Variants in PI4KA observed in about 807,000 individuals in gnomAD.
PI4KA encodes PI4-kinase alpha.
Under a neutral mutation model 271.4 loss-of-function variants are expected in PI4KA, and 122 were observed. The observed-to-expected ratio is 0.45, with a 90% confidence interval of 0.39 to 0.52. The LOEUF (loss-of-function observed/expected upper bound fraction) is 0.52, where lower values mean the gene tolerates loss of function less well. Ranked by LOEUF, PI4KA falls within the 20% of genes least tolerant of loss-of-function variation. PI4KA has a pLI of 0.00. For synonymous variants in PI4KA, 1,041 were observed against 1,078.8 expected, an observed-to-expected ratio of 0.96 and a Z score of 0.69; for missense variants, 1,969 against 2,769.1, an observed-to-expected ratio of 0.71 and a Z score of 6.48.
At position 20,727,757 on chromosome 22, in the gene PI4KA, T is replaced by G; in HGVS notation, c.4773+17A>C. On this transcript the variant is annotated intron_variant, in intron 40 of 54. Transcript: ENST00000255882. ...TGTGCAGTTTGAACTCAGGCCCTGG[T>G]ACGTGGGCTACACTACCTTGATTGC... is the stretch of plus-strand genomic sequence containing the variant. The G allele has an allele frequency of 6.3e-7, 1 of 1,596,240 alleles. No individual in the cohort carries two copies. Among genetic ancestry groups the G allele is most frequent in the Middle Eastern group, 1.7e-4 (1 of 6,046 alleles).
At chr22:20,724,523 G>A (rs963895722) in intron 42 of PI4KA, among the ~76,000 whole-genome samples, 1 of 151,754 alleles carries the variant, frequency 6.6e-6, no homozygotes, top group Non-Finnish European at 1.5e-5. Context: ...CAGGAGAACT[G>A]CTTGAATCTG....
chr22:20,747,580 T>A lies in PI4KA; in HGVS notation c.3363+3A>T. ...CACTGCTCTTCAGAAGGCTCGCACATACCCCAAGAGTTGTGTTCTGCTTGT... is the reference window on the plus strand; with the variant it reads ...CACTGCTCTTCAGAAGGCTCGCACAAACCCCAAGAGTTGTGTTCTGCTTGT... On this transcript the variant is annotated splice_donor_region_variant and intron_variant, in intron 29 of 54. Transcript: ENST00000255882. 6.2e-7 allele frequency: 1 copy of A among 1,613,870 alleles called. No individual in the cohort carries two copies. The highest frequency in any genetic ancestry group is 8.5e-7 in the Non-Finnish European group (1 of 1,179,864).
chr22:20,748,086 G>T (rs1345913170), intron 28 of PI4KA, among the ~76,000 whole-genome samples: 1 of 152,158 alleles, frequency 6.6e-6, no homozygotes, highest in African/African-American at 2.4e-5. Context: ...TAAGGTGTGG[G>T]CAAATGGACC....
chr22:20,754,715 C>T (rs939091972), intron 23 of PI4KA, among the ~76,000 whole-genome samples: 4 of 152,002 alleles, frequency 2.6e-5, no homozygotes, highest in East Asian at 1.9e-4. Flanking sequence ...TTTGAGAGGC[C>T]GAGGTGGGTG....
chr22:20,745,259 GC>G (rs1929927524), intron 29 of PI4KA, among the ~76,000 whole-genome samples: 1 of 152,118 alleles, frequency 6.6e-6, no homozygotes, highest in African/African-American at 2.4e-5. Flanking sequence ...CACCCCTCCA[GC>G]CACTCTCTCT....
chr22:20,734,094 C>T lies in PI4KA; in HGVS notation c.4001G>A (p.Gly1334Glu), dbSNP rs1390137630. 1.9e-6 allele frequency: 3 copies of T among 1,608,330 alleles called. No homozygotes were observed. The highest frequency in any genetic ancestry group is 1.7e-6 in the Non-Finnish European group (2 of 1,178,200). ...LQRSMSLNIG[G>E]AKGSMNRHVA... Reference sequence around the variant, plus strand: ...GTGCCGGTTCATGCTCCCCTTGGCCCCGCCGATGTTCAGGGACATGGAGCG... The same window carrying T: ...GTGCCGGTTCATGCTCCCCTTGGCCTCGCCGATGTTCAGGGACATGGAGCG... Residue 1334 changes from glycine to glutamate, a missense_variant, in exon 34 of 55, where the codon GGG becomes GAG. Coordinates refer to ENST00000255882, the MANE Select transcript of PI4KA (RefSeq NM_058004.4).
At chr22:20,845,651 T>C (rs1008620453) in intron 1 of PI4KA, among the ~76,000 whole-genome samples, 1 of 152,194 alleles carries the variant, frequency 6.6e-6, no homozygotes, top group African/African-American at 2.4e-5. Context: ...GACCTACAAA[T>C]GTAAATGGAA....
chr22:20,708,051 T>G lies in PI4KA; in HGVS notation c.6305A>C (p.Tyr2102Ser). 1 of 1,609,422 alleles carries G rather than the reference T, an allele frequency of 6.2e-7. No individual in the cohort carries two copies. Reference protein sequence around the residue: ...MIQYYQNDIPY With the variant: ...MIQYYQNDIPS ...AGGCCCTCGAAGGTCCCCTCCTCAGTAGGGGATGTCATTCTGATAGTACTG... is the reference window on the plus strand; with the variant it reads ...AGGCCCTCGAAGGTCCCCTCCTCAGGAGGGGATGTCATTCTGATAGTACTG... Residue 2102 changes from tyrosine to serine, a missense_variant, in exon 55 of 55, where the codon TAC (tyrosine) becomes TCC (serine). Coordinates refer to ENST00000255882, the MANE Select transcript of PI4KA (RefSeq NM_058004.4).
At chr22:20,790,548 C>A (rs1045716250) in intron 19 of PI4KA, among the ~76,000 whole-genome samples, 2 of 151,988 alleles carry the variant, frequency 1.3e-5, no homozygotes, top group African/African-American at 4.8e-5. Flanking sequence ...GTAATTCCAG[C>A]TGCTTGGAAG....
intron 28 of PI4KA, 45 bp downstream of exon 28, chr22:20,749,860 G>T (rs748538962): frequency 1.7e-6 from 2 of 1,211,968 alleles, no homozygotes; most frequent in South Asian, 1.2e-5. Context: ...TTTTTTGGGA[G>T]TTTGAAGGAG....
intron 9 of PI4KA, among the ~76,000 whole-genome samples, chr22:20,809,028 G>A (rs942795298): frequency 1.3e-5 from 2 of 152,164 alleles, no homozygotes; most frequent in African/African-American, 4.8e-5. Flanking sequence ...GGAGGACACT[G>A]ACAGGAAGAG....
chr22:20,817,478 G>A (rs553976022), intron 7 of PI4KA, among the ~76,000 whole-genome samples: 44 of 152,084 alleles, frequency 2.9e-4, no homozygotes, highest in Admixed American at 2.6e-3. Flanking sequence ...GTTCACGGCT[G>A]TAATCCTAGC....
Position 20,751,772 on chromosome 22 carries a change from C to A in PI4KA, c.2988-17G>T. 1.9e-6 allele frequency: 3 copies of A among 1,611,330 alleles called. No homozygotes were observed. The highest frequency in any genetic ancestry group is 2.5e-6 in the Non-Finnish European group (3 of 1,177,604). ...TGGGGAAACCTGCACCAAGAGCCAG[C>A]TCTCAGGACCAAGAGCCAAACCTCC... is the stretch of plus-strand genomic sequence containing the variant. On this transcript the variant is annotated splice_polypyrimidine_tract_variant and intron_variant, in intron 25 of 54. Coordinates refer to ENST00000255882, the MANE Select transcript of PI4KA (RefSeq NM_058004.4).
intron 36 of PI4KA, among the ~76,000 whole-genome samples, chr22:20,730,849 C>T (rs769180954): frequency 2.0e-5 from 3 of 151,900 alleles, no homozygotes; most frequent in East Asian, 2.0e-4. Context: ...GGATTACAGG[C>T]GTGAGTCACT....
rs752998296 is a variant in PI4KA at position 20,761,402 on chromosome 22, C to G, written c.2709-16G>C. 7 of 1,579,612 alleles carry G rather than the reference C, an allele frequency of 4.4e-6. No individual in the cohort carries two copies. Among genetic ancestry groups the G allele is most frequent in the South Asian group, 4.4e-5 (4 of 90,336 alleles). ...ACGCAGTACCCTAAGAAGAAAACAG[C>G]TTTAAATAAATTTTGAAAAATCTGG... On this transcript the variant is annotated splice_polypyrimidine_tract_variant and intron_variant, in intron 22 of 54. Transcript: ENST00000255882.
chr22:20,812,012 C>CAAAAAAAA (rs361795), intron 8 of PI4KA, among the ~76,000 whole-genome samples: 4 of 77,462 alleles, frequency 5.2e-5, no homozygotes, highest in Non-Finnish European at 7.7e-5. Flanking sequence ...GACTCCATCT[C>CAAAAAAAA]AAAAAAAAAA....
chr22:20,718,611 T>C, intron 44 of PI4KA, 82 bp downstream of exon 44: 5 of 1,515,882 alleles, frequency 3.3e-6, no homozygotes, highest in South Asian at 1.1e-5. Context: ...ACGGGTATTT[T>C]TAAAGCTTCC....
chr22:20,855,962 T>C (rs1488955901), intron 1 of PI4KA, among the ~76,000 whole-genome samples: 1 of 152,242 alleles, frequency 6.6e-6, no homozygotes, highest in Non-Finnish European at 1.5e-5. Flanking sequence ...GCCCCAGTGC[T>C]GCTCTATTCA....
rs1271711199 is a variant in PI4KA at position 20,765,690 on chromosome 22, T to C, written c.2332A>G (p.Thr778Ala). ...GVLIPVIAVL[T>A]RRLPPIKEAK... The stretch of plus-strand genomic sequence containing the variant: ...TCTTTGATGGGTGGCAGTCGTCGGG[T>C]GAGCTGATGTGCCAAGAAGAGAGGG... Residue 778 changes from threonine (T) to alanine (A), a missense_variant, in exon 20 of 55, where the codon ACC becomes GCC. Thr to Ala is a moderately conservative substitution (Grantham distance 58). This residue lies in a region of PI4KA where 368 missense variants were observed against 544.3 expected (regional missense o/e 0.68). Coordinates refer to ENST00000255882, the MANE Select transcript of PI4KA (RefSeq NM_058004.4). 6.2e-7 allele frequency: 1 copy of C among 1,604,818 alleles called. No homozygotes were observed. The highest frequency in any genetic ancestry group is 8.5e-7 in the Non-Finnish European group (1 of 1,171,792).
Sources: gnomAD v4.1 joint callset for allele counts (sites outside exome capture counted in the v4.1 genomes callset) on GRCh38, gnomAD v4.1.1 for gene constraint, gnomAD v4.1.1 regional missense constraint, MANE v1.5 for transcripts, NCBI Gene and HGNC (gene_info 2026-07-23, HGNC 2026-07-21) for gene names.